The following CFAP299 variants were observed in gnomAD, a reference collection of about 807,000 sequenced individuals.
CFAP299 encodes the protein cilia- and flagella-associated protein 299.
In CFAP299, 21 loss-of-function variants were observed where a neutral mutation model predicts 27.0. That is an observed-to-expected ratio of 0.78 (90% CI 0.55 to 1.12). The LOEUF (loss-of-function observed/expected upper bound fraction) is 1.12, where lower values mean the gene tolerates loss of function less well. CFAP299 is among the 50% of genes most tolerant of loss of function. CFAP299 has a pLI of 0.00. For missense variants in CFAP299, 310 were observed against 276.6 expected (o/e 1.12, Z -0.86); for synonymous variants, 104 against 98.1 (o/e 1.06, Z -0.36).
intron 3 of CFAP299, among the ~76,000 whole-genome samples, chr4:80,861,900 A>G (rs1732395785): frequency 6.6e-6 from 1 of 151,918 alleles, no homozygotes; most frequent in Non-Finnish European, 1.5e-5. Context: ...ACTCTTTTGG[A>G]TTTTCTAAGT....
intron 3 of CFAP299, among the ~76,000 whole-genome samples, chr4:80,730,280 A>C (rs149123168): frequency 1.3e-5 from 1 of 76,582 alleles, no homozygotes. Flanking sequence ...GTGTGTGTGT[A>C]TGTGTGTGTG....
At chr4:80,896,140 T>C (rs1422550019) in intron 4 of CFAP299, among the ~76,000 whole-genome samples, 1 of 152,118 alleles carries the variant, frequency 6.6e-6, no homozygotes, top group Non-Finnish European at 1.5e-5. Flanking sequence ...CTCTCTTACA[T>C]GTGCTTACCA....
chr4:80,760,780 A>T lies in CFAP299; in HGVS notation c.334-109213A>T, dbSNP rs149114489. On this transcript the variant is annotated intron_variant, in intron 3 of 5. Transcript: ENST00000358105. ...TTACAGAGAATTAAAGGTAAAATTA[A>T]GAGAGTAGATGAAGCCCTTGCAATA... 9.4e-3 allele frequency among the ~76,000 whole-genome samples: 1,431 copies of T among 152,310 alleles called. 18 individuals carry two copies. Among genetic ancestry groups the T allele is most frequent in the South Asian group, 0.063 (302 of 4,826 alleles).
intron 2 of CFAP299, among the ~76,000 whole-genome samples, chr4:80,426,313 T>C (rs1478048479): frequency 6.6e-6 from 1 of 152,172 alleles, no homozygotes; most frequent in African/African-American, 2.4e-5. Context: ...TATGCTAATA[T>C]GATCATTACA....
chr4:80,580,792 C>G (rs1040236933), intron 2 of CFAP299, among the ~76,000 whole-genome samples: 1 of 151,904 alleles, frequency 6.6e-6, no homozygotes, highest in African/African-American at 2.4e-5. Flanking sequence ...TCAAGGTTGG[C>G]CATAGCACTT....
intron 3 of CFAP299, among the ~76,000 whole-genome samples, chr4:80,696,511 T>C (rs929077727): frequency 1.3e-5 from 2 of 151,922 alleles, no homozygotes; most frequent in Non-Finnish European, 2.9e-5. Context: ...ATAAAAATAA[T>C]AAATAAATAA....
At chr4:80,932,060 A>C (rs963451276) in intron 4 of CFAP299, among the ~76,000 whole-genome samples, 4 of 152,172 alleles carry the variant, frequency 2.6e-5, no homozygotes, top group Non-Finnish European at 5.9e-5. Context: ...AGTAATTAGC[A>C]AAGTCCAGCC....
At chr4:80,718,813 TA>T (rs1213898585) in intron 3 of CFAP299, among the ~76,000 whole-genome samples, 1 of 152,054 alleles carries the variant, frequency 6.6e-6, no homozygotes, top group Non-Finnish European at 1.5e-5. Flanking sequence ...CAAATGATGA[TA>T]AAAATACTAC....
chr4:80,868,393 G>T (rs183859126), intron 3 of CFAP299, among the ~76,000 whole-genome samples: 1 of 152,282 alleles, frequency 6.6e-6, no homozygotes, highest in African/African-American at 2.4e-5. Flanking sequence ...TCACTGGAAA[G>T]AATTTTCCCT....
intron 3 of CFAP299, among the ~76,000 whole-genome samples, chr4:80,744,692 T>C (rs1308267574): frequency 6.6e-6 from 1 of 152,138 alleles, no homozygotes; most frequent in African/African-American, 2.4e-5. Flanking sequence ...AGGAAGTACA[T>C]TGGTTTGCTA....
chr4:80,513,379 T>C lies in CFAP299; in HGVS notation c.243-69714T>C, dbSNP rs574675793. Among the ~76,000 whole-genome samples the C allele has an allele frequency of 9.9e-5, 15 of 152,232 alleles. No homozygotes were observed. In the East Asian group the frequency reaches 2.9e-3, roughly 29 times the overall value. ...CTTGTTTGCTGTATAACACAGTCCT[T>C]CAAATATTTTGCAGCCCATATTCCT... is the stretch of plus-strand genomic sequence containing the variant. On this transcript the variant is annotated intron_variant, in intron 2 of 5. Transcript: ENST00000358105.
chr4:80,322,732 CAA>C, the CFAP299 span, among the ~76,000 whole-genome samples: 2 of 152,084 alleles, frequency 1.3e-5, no homozygotes, highest in Non-Finnish European at 2.9e-5. Flanking sequence ...TTCAAAATAA[CAA>C]AGTTATTTTA....
intron 3 of CFAP299, among the ~76,000 whole-genome samples, chr4:80,772,326 C>T (rs1274780674): frequency 6.6e-6 from 1 of 152,062 alleles, no homozygotes; most frequent in Non-Finnish European, 1.5e-5. Flanking sequence ...GGTCTCTTAT[C>T]ACTTTATGGG....
At chr4:80,700,660 A>G (rs910920477) in intron 3 of CFAP299, among the ~76,000 whole-genome samples, 6 of 152,094 alleles carry the variant, frequency 3.9e-5, no homozygotes, top group Non-Finnish European at 8.8e-5. Flanking sequence ...GCATTCAGGA[A>G]TACATGAAGT....
At chr4:80,645,565 A>G (rs2109963728) in intron 3 of CFAP299, among the ~76,000 whole-genome samples, 1 of 152,296 alleles carries the variant, frequency 6.6e-6, no homozygotes, top group East Asian at 1.9e-4. Flanking sequence ...AAACACACAC[A>G]TATTTACCCT....
At chr4:80,872,797 T>A in intron 4 of CFAP299, 2 of 673,436 alleles carry the variant, frequency 3.0e-6, no homozygotes, top group Non-Finnish European at 3.7e-6. Flanking sequence ...TCCCTGTTAT[T>A]TCAAGTGAGC....
chr4:80,682,798 C>T (rs951277235), intron 3 of CFAP299, among the ~76,000 whole-genome samples: 1 of 152,090 alleles, frequency 6.6e-6, no homozygotes, highest in African/African-American at 2.4e-5. Context: ...AGGCCTCCTT[C>T]CAGTCTTGTT....
intron 2 of CFAP299, among the ~76,000 whole-genome samples, chr4:80,462,759 A>C (rs1252624774): frequency 2.6e-5 from 4 of 152,242 alleles, no homozygotes; most frequent in Non-Finnish European, 4.4e-5. Flanking sequence ...AGATGCTTCA[A>C]ATTCAACATG....
upstream of CFAP299, among the ~76,000 whole-genome samples, chr4:80,335,398 C>G (rs1313126156): frequency 1.3e-5 from 2 of 152,080 alleles, no homozygotes; most frequent in Admixed American, 1.3e-4. Flanking sequence ...CAAAATGTCT[C>G]GGTATTTTTG....
Sources: gnomAD v4.1 joint callset for allele counts (sites outside exome capture counted in the v4.1 genomes callset) on GRCh38, gnomAD v4.1.1 for gene constraint, MANE v1.5 for transcripts, NCBI Gene and HGNC (gene_info 2026-07-23, HGNC 2026-07-21) for gene names.